The following SNCAIP variants were observed in gnomAD, a reference collection of about 807,000 sequenced individuals.
SNCAIP encodes synuclein alpha interacting protein.
Under a neutral mutation model 86.7 loss-of-function variants are expected in SNCAIP, and 43 were observed. That is an observed-to-expected ratio of 0.50 (90% CI 0.39 to 0.64). SNCAIP has a LOEUF of 0.64. SNCAIP is among the 30% of genes least tolerant of loss of function. The probability of loss-of-function intolerance (pLI) is 0.00; values close to 1 mark genes in which losing one functional copy is unlikely to be tolerated. For missense variants in SNCAIP, 981 were observed against 1,103.1 expected (o/e 0.89, Z 1.57); for synonymous variants, 417 against 427.2 (o/e 0.98, Z 0.29).
intron 1 of SNCAIP, among the ~76,000 whole-genome samples, chr5:122,382,592 G>GC (rs1767100205): frequency 6.6e-6 from 1 of 152,170 alleles, no homozygotes; most frequent in Non-Finnish European, 1.5e-5. Flanking sequence ...GTGAGGAACT[G>GC]CGTTCCTTTG....
At chr5:122,409,514 G>C (rs564295590) in intron 3 of SNCAIP, among the ~76,000 whole-genome samples, 1 of 152,298 alleles carries the variant, frequency 6.6e-6, no homozygotes, top group South Asian at 2.1e-4. Context: ...CCTGTAATGT[G>C]TCTGAGAATG....
chr5:122,360,423 G>C (rs945742305), intron 1 of SNCAIP, among the ~76,000 whole-genome samples: 9 of 152,292 alleles, frequency 5.9e-5, no homozygotes, highest in Admixed American at 5.2e-4. Context: ...GGTTGTATTA[G>C]CAACTGAACT....
chr5:122,317,314 A>G (rs1751961293), intron 1 of SNCAIP, among the ~76,000 whole-genome samples: 1 of 152,214 alleles, frequency 6.6e-6, no homozygotes. Flanking sequence ...AAGGGCATAT[A>G]CTGGCTACTG....
chr5:122,336,174 A>AGAG (rs1561532742), intron 1 of SNCAIP, among the ~76,000 whole-genome samples: 3 of 149,284 alleles, frequency 2.0e-5, no homozygotes, highest in Non-Finnish European at 3.0e-5. Flanking sequence ...ACTGGTTATC[A>AGAG]AGAGAGAGAG....
At position 122,361,964 on chromosome 5, in the gene SNCAIP, G is replaced by A. The variant is rs150651575; in HGVS notation, c.-46-29125G>A. 1.1e-4 allele frequency among the ~76,000 whole-genome samples: 17 copies of A among 152,294 alleles called. No homozygotes were observed. In the East Asian group the frequency reaches 2.9e-3, roughly 26 times the overall value. On this transcript the variant is annotated intron_variant, in intron 1 of 10. Transcript: ENST00000261368. ...TCCTAGGGGATAGATTCAGTTTGGGGACAAGAAAACAGAAAGAAATATATG... is the reference window on the plus strand; with the variant it reads ...TCCTAGGGGATAGATTCAGTTTGGGAACAAGAAAACAGAAAGAAATATATG...
chr5:122,387,788 T>C (rs1309909287), intron 1 of SNCAIP, among the ~76,000 whole-genome samples: 2 of 152,210 alleles, frequency 1.3e-5, no homozygotes, highest in African/African-American at 4.8e-5. Flanking sequence ...AGGTTTTCTT[T>C]TCCTAGTACT....
chr5:122,426,712 A>G (rs552542284), intron 5 of SNCAIP, among the ~76,000 whole-genome samples: 2 of 152,298 alleles, frequency 1.3e-5, no homozygotes, highest in Non-Finnish European at 2.9e-5. Flanking sequence ...GGCAGCTATC[A>G]TGAAGAAAGA....
At chr5:122,340,783 G>A (rs549290996) in intron 1 of SNCAIP, among the ~76,000 whole-genome samples, 1 of 152,150 alleles carries the variant, frequency 6.6e-6, no homozygotes, top group Non-Finnish European at 1.5e-5. Context: ...ATAATCATAT[G>A]TCAATTCCTT....
At chr5:122,377,560 T>C (rs1032217397) in intron 1 of SNCAIP, among the ~76,000 whole-genome samples, 1 of 151,726 alleles carries the variant, frequency 6.6e-6, no homozygotes, top group Admixed American at 6.6e-5. Context: ...TTTATATACT[T>C]TAAGTTTTAG....
intron 7 of SNCAIP, chr5:122,444,112 G>A (rs753906032): frequency 1.5e-5 from 7 of 457,406 alleles, no homozygotes; most frequent in East Asian, 6.9e-5. Flanking sequence ...TCAGGTTGGC[G>A]CAGCAACAAA....
chr5:122,440,637 T>A lies in SNCAIP; in HGVS notation c.1305T>A (p.Ile435=), dbSNP rs1321934470. The part of the protein sequence containing the change: ...HYAGCYGQEK[I]LLWLLQFMQE... Reference sequence around the variant, plus strand: ...TGTCTTTGTGTTTATAGGAAAAGATTCTTCTGTGGCTTCTTCAGTTTATGC... The same window carrying A: ...TGTCTTTGTGTTTATAGGAAAAGATACTTCTGTGGCTTCTTCAGTTTATGC... The change falls in exon 7 of 11, where the codon ATT becomes ATA. Residue 435 remains isoleucine, a synonymous_variant. Coordinates refer to ENST00000261368, the MANE Select transcript of SNCAIP (RefSeq NM_005460.4). 6.2e-7 allele frequency: 1 copy of A among 1,613,764 alleles called. No homozygotes were observed. The highest frequency in any genetic ancestry group is 1.3e-5 in the African/African-American group (1 of 74,934).
rs1787085461 is a variant in SNCAIP, at chr5:122,464,078, T to A, written c.*582T>A. 6.6e-6 allele frequency: 1 copy of A among 152,208 alleles called. No homozygotes were observed. The highest frequency in any genetic ancestry group is 2.4e-5 in the African/African-American group (1 of 41,434). 9.4% of individuals were successfully genotyped at this position (152,208 alleles called of 1,614,324 possible). ...CCACCTATAAGCTTGGGGCACCTAC[T>A]TTCTAACAAATCTGTGATGTTCTGA... On this transcript the variant is annotated 3_prime_UTR_variant, in exon 11 of 11. Transcript: ENST00000261368.
chr5:122,452,378 T>C (rs1783873885), intron 10 of SNCAIP, among the ~76,000 whole-genome samples: 1 of 152,184 alleles, frequency 6.6e-6, no homozygotes. Context: ...TGCAAAACTC[T>C]CTGTGGAATG....
At chr5:122,372,535 A>G (rs1190088868) in intron 1 of SNCAIP, among the ~76,000 whole-genome samples, 3 of 152,194 alleles carry the variant, frequency 2.0e-5, no homozygotes, top group South Asian at 2.1e-4. Flanking sequence ...GTGGATCACT[A>G]TAATATACTT....
intron 3 of SNCAIP, among the ~76,000 whole-genome samples, chr5:122,412,281 A>G (rs1206133378): frequency 6.6e-6 from 1 of 152,060 alleles, no homozygotes; most frequent in Non-Finnish European, 1.5e-5. Flanking sequence ...AAGTCATGGG[A>G]AACTCCCTCC....
At chr5:122,322,027 C>T (rs998435638) in intron 1 of SNCAIP, among the ~76,000 whole-genome samples, 1 of 152,092 alleles carries the variant, frequency 6.6e-6, no homozygotes, top group African/African-American at 2.4e-5. Context: ...AACAAGCCTC[C>T]TGTTGAGATT....
intron 1 of SNCAIP, among the ~76,000 whole-genome samples, chr5:122,333,448 A>G (rs902696206): frequency 6.6e-6 from 1 of 152,216 alleles, no homozygotes; most frequent in Non-Finnish European, 1.5e-5. Flanking sequence ...CACAGTAGCT[A>G]TTGCAAAAGC....
chr5:122,391,091 AT>A lies in SNCAIP; in HGVS notation c.-41del. The A allele has an allele frequency of 2.6e-6, 4 of 1,518,800 alleles. No homozygotes were observed. Among genetic ancestry groups the A allele is most frequent in the Non-Finnish European group, 2.7e-6 (3 of 1,093,248 alleles). 94.1% of individuals were successfully genotyped at this position (1,518,800 alleles called of 1,614,324 possible). On this transcript the variant is annotated 5_prime_UTR_variant, in exon 2 of 11. Transcript: ENST00000261368. Reference sequence around the variant, plus strand: ...TTTTCTGCTTCTGTCTCGTTCAGGAATTTATAAGTATTTGACCGTACTCAAA... The same window carrying A: ...TTTTCTGCTTCTGTCTCGTTCAGGAATTATAAGTATTTGACCGTACTCAAA...
chr5:122,398,819 A>G (rs776975796), intron 2 of SNCAIP, among the ~76,000 whole-genome samples: 39 of 152,146 alleles, frequency 2.6e-4, no homozygotes, highest in Non-Finnish European at 4.7e-4. Flanking sequence ...AGCACTGAAC[A>G]ATATCTGGGG....
Sources: gnomAD v4.1 joint callset for allele counts (sites outside exome capture counted in the v4.1 genomes callset) on GRCh38, gnomAD v4.1.1 for gene constraint, MANE v1.5 for transcripts, NCBI Gene and HGNC (gene_info 2026-07-23, HGNC 2026-07-21) for gene names.